The following TPTE2 variants were observed in gnomAD, a reference collection of about 807,000 sequenced individuals.
The protein encoded by TPTE2 is phosphatidylinositol 3,4,5-trisphosphate 3-phosphatase TPTE2.
Under a neutral mutation model 78.6 loss-of-function variants are expected in TPTE2, and 53 were observed. The ratio of observed to expected loss-of-function variants is 0.67; its 90% CI spans 0.54 to 0.85. TPTE2 has a LOEUF of 0.85. Ranked by LOEUF, TPTE2 falls within the 40% of genes least tolerant of loss-of-function variation. The pLI, the probability that TPTE2 is intolerant of heterozygous loss-of-function variation, is 0.00. For synonymous variants in TPTE2, 175 were observed against 206.2 expected (o/e 0.85, Z 1.30); for missense variants, 461 against 623.0 (o/e 0.74, Z 2.77).
At chr13:19,496,851 C>T (rs531692343) in intron 1 of TPTE2, among the ~76,000 whole-genome samples, 12 of 152,200 alleles carry the variant, frequency 7.9e-5, no homozygotes, top group South Asian at 2.1e-4. Context: ...GTGAGCGACG[C>T]GGAAGACAGT....
chr13:19,448,865 A>T (rs1289583037), intron 13 of TPTE2, among the ~76,000 whole-genome samples: 1 of 152,364 alleles, frequency 6.6e-6, no homozygotes, highest in East Asian at 1.9e-4. Flanking sequence ...AGCATTATTC[A>T]TAATACCCAA....
intron 4 of TPTE2, among the ~76,000 whole-genome samples, chr13:19,475,873 A>G (rs1879906494): frequency 6.6e-6 from 1 of 152,138 alleles, no homozygotes; most frequent in Admixed American, 6.6e-5. Flanking sequence ...CAAAGCCCCA[A>G]CCCCAACTTT....
At chr13:19,451,681 G>C (rs999295227) in intron 10 of TPTE2, among the ~76,000 whole-genome samples, 33 of 152,006 alleles carry the variant, frequency 2.2e-4, no homozygotes, top group African/African-American at 7.7e-4. Context: ...TATATAGCAT[G>C]ATTGTGTGTA....
chr13:19,500,756 T>C (rs1868462320), intron 1 of TPTE2, among the ~76,000 whole-genome samples: 2 of 148,616 alleles, frequency 1.3e-5, no homozygotes, highest in East Asian at 2.0e-4. Flanking sequence ...AGGGATGCCC[T>C]CTCTCACCAC....
chr13:19,471,799 C>T (rs1352271677), intron 6 of TPTE2, among the ~76,000 whole-genome samples: 1 of 152,182 alleles, frequency 6.6e-6, no homozygotes, highest in Non-Finnish European at 1.5e-5. Flanking sequence ...ACTTATTGCT[C>T]ATTAATGTCC....
rs541984601 is a variant in TPTE2, at chr13:19,486,192, C to T, written c.120-3645G>A. 2.6e-5 allele frequency among the ~76,000 whole-genome samples: 4 copies of T among 152,188 alleles called. No homozygotes were observed. The highest frequency in any genetic ancestry group is 5.9e-5 in the Non-Finnish European group (4 of 68,024). ...TGAATTTATTTCTATGAATAGGTCTCGGATGTCAGTTCATTGGGGTATACT... is the reference window on the plus strand; with the variant it reads ...TGAATTTATTTCTATGAATAGGTCTTGGATGTCAGTTCATTGGGGTATACT... On this transcript the variant is annotated intron_variant, in intron 3 of 19. Coordinates refer to ENST00000400230, the Ensembl canonical transcript of TPTE2. This position sits in a 1 kb window ranked among gnomAD's most constrained non-coding sequence, Gnocchi z 4.3.
At chr13:19,427,079 CTTTTTT>C (rs55904352) in intron 17 of TPTE2, among the ~76,000 whole-genome samples, 120 of 67,288 alleles carry the variant, frequency 1.8e-3, no homozygotes, top group African/African-American at 7.4e-3. Flanking sequence ...CTTTTCTTTT[CTTTTTT>C]TTTTTTTTTT....
At chr13:19,494,501 A>T (rs1881193712) in intron 1 of TPTE2, among the ~76,000 whole-genome samples, 1 of 152,080 alleles carries the variant, frequency 6.6e-6, no homozygotes, top group Non-Finnish European at 1.5e-5. Context: ...TCCACTTCCC[A>T]AGGTTCAATC....
At chr13:19,479,101 A>G (rs992692207) in intron 4 of TPTE2, among the ~76,000 whole-genome samples, 1 of 152,228 alleles carries the variant, frequency 6.6e-6, no homozygotes, top group Non-Finnish European at 1.5e-5. Flanking sequence ...TGGCACATGC[A>G]TAAATATGTA....
At chr13:19,548,093 A>G in the TPTE2 span, among the ~76,000 whole-genome samples, 8 of 152,162 alleles carry the variant, frequency 5.3e-5, no homozygotes, top group African/African-American at 1.9e-4. Context: ...ATTGTGTCTA[A>G]TTCTGCTTTA....
At chr13:19,435,342 C>T (rs1248142073) in intron 15 of TPTE2, among the ~76,000 whole-genome samples, 1 of 152,062 alleles carries the variant, frequency 6.6e-6, no homozygotes, top group Non-Finnish European at 1.5e-5. Flanking sequence ...ACTTAAATGT[C>T]ATACTAAAAT....
chr13:19,502,295 T>A (rs1289451563), intron 1 of TPTE2, among the ~76,000 whole-genome samples: 1 of 150,330 alleles, frequency 6.7e-6, no homozygotes, highest in Non-Finnish European at 1.5e-5. Context: ...ATCCCATTAC[T>A]GGGTATATAC....
Position 19,467,353 on chromosome 13 carries a change from TAAAAA to T in TPTE2, c.393-14_393-10del, listed in dbSNP as rs71092363. ...AAAAATACTGCTGTCTCCTGTAATA[TAAAAA>T]AAAAAAAAAAAAAGTTCATTTCCCT... On this transcript the variant is annotated splice_polypyrimidine_tract_variant and intron_variant, in intron 6 of 19. Transcript: ENST00000400230. 185 of 1,192,980 alleles carry T rather than the reference TAAAAA, an allele frequency of 1.6e-4. No homozygotes were observed. Among genetic ancestry groups the T allele is most frequent in the South Asian group, 5.2e-4 (23 of 44,218 alleles). 73.9% of individuals were successfully genotyped at this position (1,192,980 alleles called of 1,614,324 possible).
intron 13 of TPTE2, among the ~76,000 whole-genome samples, chr13:19,441,710 C>T (rs1434539034): frequency 1.2e-4 from 18 of 152,108 alleles, no homozygotes; most frequent in Non-Finnish European, 2.2e-4. Flanking sequence ...ATATTAATGA[C>T]ATAATATTGA....
chr13:19,545,068 A>G, the TPTE2 span, among the ~76,000 whole-genome samples: 1 of 152,172 alleles, frequency 6.6e-6, no homozygotes, highest in Non-Finnish European at 1.5e-5. Context: ...GCCAGAAAAG[A>G]GGAAAAAGTA....
intron 1 of TPTE2, among the ~76,000 whole-genome samples, chr13:19,508,871 A>C (rs1464500790): frequency 2.6e-5 from 4 of 152,088 alleles, no homozygotes; most frequent in Non-Finnish European, 4.4e-5. Context: ...CAAAAGACCT[A>C]TGAGGGCACA....
upstream of TPTE2, among the ~76,000 whole-genome samples, chr13:19,506,375 G>A (rs1047138814): frequency 5.3e-5 from 8 of 150,902 alleles, no homozygotes; most frequent in South Asian, 2.1e-4. Context: ...GGGTTTCACC[G>A]TTTTAGCCGG....
At chr13:19,477,780 G>C (rs1187033567) in intron 4 of TPTE2, among the ~76,000 whole-genome samples, 1 of 151,998 alleles carries the variant, frequency 6.6e-6, no homozygotes, top group East Asian at 1.9e-4. Context: ...AGACTTTTTT[G>C]GTTAAAAAAA....
At chr13:19,520,031 C>T (rs1405378546) in intron 1 of TPTE2, among the ~76,000 whole-genome samples, 4 of 151,942 alleles carry the variant, frequency 2.6e-5, no homozygotes, top group East Asian at 1.9e-4. Flanking sequence ...TTCTTAATTT[C>T]ATTTTGAGCC....
Sources: allele counts gnomAD v4.1 joint callset (sites outside exome capture counted in the v4.1 genomes callset), GRCh38; gene constraint gnomAD v4.1.1; non-coding constraint Gnocchi (gnomAD v3.1); transcripts MANE v1.5; gene names NCBI Gene and HGNC (gene_info 2026-07-23, HGNC 2026-07-21).